Variants in NOS1 observed in about 807,000 individuals in gnomAD.
The protein encoded by NOS1 is NOS type I.
NOS1 carries 51 observed loss-of-function variants against 164.5 expected under a neutral mutation model. That is an observed-to-expected ratio of 0.31 (90% CI 0.25 to 0.39). The LOEUF is 0.39. Ranked by LOEUF, NOS1 falls within the 10% of genes least tolerant of loss-of-function variation. The pLI, the probability that NOS1 is intolerant of heterozygous loss-of-function variation, is 1.00. For synonymous variants in NOS1, 719 were observed against 745.8 expected (o/e 0.96, Z 0.59); for missense variants, 1,362 against 1,885.6 (o/e 0.72, Z 5.14).
At position 117,237,166 on chromosome 12, in the gene NOS1, A is replaced by AT. The variant is rs565343189; in HGVS notation, c.3042-2409dup. The stretch of plus-strand genomic sequence containing the variant: ...TTTTTAGCATTTCATTATTATTTTT[A>AT]TTTTTTTTTGAGATGGAGTCTCTCT... On this transcript the variant is annotated intron_variant, in intron 20 of 28. Transcript: ENST00000317775. Among the ~76,000 whole-genome samples the AT allele has an allele frequency of 2.3e-3, 346 of 150,998 alleles. 2 individuals carry two copies. The highest frequency in any genetic ancestry group is 3.3e-3 in the Non-Finnish European group (222 of 67,660).
intron 3 of NOS1, among the ~76,000 whole-genome samples, chr12:117,309,973 C>T (rs554025935): frequency 3.9e-5 from 6 of 152,302 alleles, no homozygotes; most frequent in African/African-American, 1.4e-4. Flanking sequence ...GTAATACAAT[C>T]ACAGCTCACT....
intron 8 of NOS1, among the ~76,000 whole-genome samples, chr12:117,278,899 TA>T (rs1873394063): frequency 6.7e-6 from 1 of 149,738 alleles, no homozygotes. Context: ...CTTATTCATC[TA>T]ATATATCAAA....
chr12:117,283,839 G>A (rs1489714796), intron 7 of NOS1, among the ~76,000 whole-genome samples: 1 of 113,828 alleles, frequency 8.8e-6, no homozygotes, highest in Non-Finnish European at 1.7e-5. Flanking sequence ...CTGGGTAACA[G>A]AGCAAGACTC....
At chr12:117,344,019 C>G (rs747495128) in intron 1 of NOS1, among the ~76,000 whole-genome samples, 1 of 152,072 alleles carries the variant, frequency 6.6e-6, no homozygotes, top group Non-Finnish European at 1.5e-5. Context: ...GTCAGATATA[C>G]CAGTAATAAC....
At chr12:117,274,248 G>A (rs995849842) in intron 9 of NOS1, among the ~76,000 whole-genome samples, 5 of 152,094 alleles carry the variant, frequency 3.3e-5, no homozygotes, top group African/African-American at 4.8e-5. Flanking sequence ...ATATGCAAAC[G>A]AAACCCACAA....
chr12:117,240,690 T>G (rs1870091371), intron 20 of NOS1, among the ~76,000 whole-genome samples: 1 of 152,230 alleles, frequency 6.6e-6, no homozygotes, highest in African/African-American at 2.4e-5. Flanking sequence ...AGCACAGTGC[T>G]TGGAACACAG....
Position 117,285,264 on chromosome 12 carries a change from A to G in NOS1, c.1359T>C (p.Tyr453=), listed in dbSNP as rs746656144. 1.2e-6 allele frequency: 2 copies of G among 1,611,118 alleles called. No individual in the cohort carries two copies. The highest frequency in any genetic ancestry group is 1.7e-5 in the Admixed American group (1 of 59,904). Residue 453 remains tyrosine, a synonymous_variant, in exon 7 of 29, where the codon TAT becomes TAC. Coordinates refer to ENST00000317775, the MANE Select transcript of NOS1 (RefSeq NM_000620.5). ...MFNYICNHVK[Y]ATNKGNLRSA... is the part of the protein sequence containing the mutation. ...ACCTGAGGTTCCCTTTGTTGGTGGCATACTTGACATGGTTACAGATGTAGT... is the reference window on the plus strand; with the variant it reads ...ACCTGAGGTTCCCTTTGTTGGTGGCGTACTTGACATGGTTACAGATGTAGT...
At chr12:117,309,792 A>ACAGT (rs35976283) in intron 3 of NOS1, among the ~76,000 whole-genome samples, 20,665 of 152,212 alleles carry the variant, frequency 0.14, 1,620 homozygotes, top group East Asian at 0.26. Context: ...CTGTGAAGAA[A>ACAGT]CAGTCTCCTA....
chr12:117,347,317 TAAAC>T (rs989976785), intron 1 of NOS1, among the ~76,000 whole-genome samples: 17 of 148,472 alleles, frequency 1.1e-4, no homozygotes, highest in African/African-American at 1.7e-4. Context: ...AAAAGAAAAA[TAAAC>T]AAACAAACAA....
intron 12 of NOS1, among the ~76,000 whole-genome samples, chr12:117,264,304 ACT>A (rs1872190199): frequency 6.6e-6 from 1 of 151,414 alleles, no homozygotes; most frequent in African/African-American, 2.4e-5. Context: ...CAGGGGTCTC[ACT>A]CTGCTGCCCA....
At chr12:117,325,759 T>C (rs1875215151) in intron 2 of NOS1, among the ~76,000 whole-genome samples, 1 of 152,236 alleles carries the variant, frequency 6.6e-6, no homozygotes, top group Admixed American at 6.5e-5. Context: ...CTCATGGCAT[T>C]TGAGCCAAAA....
intron 1 of NOS1, among the ~76,000 whole-genome samples, chr12:117,346,584 A>G (rs964960306): frequency 6.6e-6 from 1 of 152,188 alleles, no homozygotes; most frequent in African/African-American, 2.4e-5. Context: ...ATGCTTTGCT[A>G]CCCAAAGCGT....
At chr12:117,251,604 T>C (rs1227930349) in intron 17 of NOS1, among the ~76,000 whole-genome samples, 2 of 151,850 alleles carry the variant, frequency 1.3e-5, no homozygotes, top group Non-Finnish European at 2.9e-5. Context: ...TCATTTTTTT[T>C]TTTTTTTGTA....
At chr12:117,266,643 T>C (rs978769566) in intron 11 of NOS1, among the ~76,000 whole-genome samples, 1 of 151,988 alleles carries the variant, frequency 6.6e-6, no homozygotes, top group Non-Finnish European at 1.5e-5. Flanking sequence ...GCTCAAGTGA[T>C]TCTCCTGCCT....
At chr12:117,326,385 CAAA>C (rs746345561) in intron 2 of NOS1, among the ~76,000 whole-genome samples, 1 of 25,906 alleles carries the variant, frequency 3.9e-5, no homozygotes, top group Admixed American at 3.9e-4. Flanking sequence ...GACTCTGTCT[CAAA>C]AAAAAAAAAA....
At chr12:117,242,301 T>G (rs1870242748) in intron 20 of NOS1, among the ~76,000 whole-genome samples, 1 of 152,242 alleles carries the variant, frequency 6.6e-6, no homozygotes, top group Non-Finnish European at 1.5e-5. Context: ...ATACTTGGAC[T>G]AAGTGATTTC....
At chr12:117,224,674 C>T (rs1868495446) in intron 25 of NOS1, among the ~76,000 whole-genome samples, 1 of 152,242 alleles carries the variant, frequency 6.6e-6, no homozygotes, top group African/African-American at 2.4e-5. Flanking sequence ...TCACATAGCA[C>T]TTGCTCTTGA....
At chr12:117,322,036 C>T (rs1232745343) in intron 2 of NOS1, among the ~76,000 whole-genome samples, 1 of 130,716 alleles carries the variant, frequency 7.7e-6, no homozygotes. Context: ...TTCCTTTCCT[C>T]CTTCTCTCCT....
rs967698505 is a variant in NOS1, at chr12:117,212,649, A to G, written c.*2660T>C. The G allele has an allele frequency of 2.0e-6, 2 of 985,298 alleles. No individual in the cohort carries two copies. Among genetic ancestry groups the G allele is most frequent in the Non-Finnish European group, 2.4e-6 (2 of 829,938 alleles). 61.0% of individuals were successfully genotyped at this position (985,298 alleles called of 1,614,324 possible). A position where few individuals can be genotyped will look rare whatever the true frequency, so the allele number is the denominator to read the frequency against. On this transcript the variant is annotated 3_prime_UTR_variant, in exon 29 of 29. Transcript: ENST00000317775. ...CAATTCAGGGGGAAGAGGGAAATAAATGGGCCATAACCCGAATAACCCCCA... is the reference window on the plus strand; with the variant it reads ...CAATTCAGGGGGAAGAGGGAAATAAGTGGGCCATAACCCGAATAACCCCCA...
Sources: gnomAD v4.1 joint callset for allele counts (sites outside exome capture counted in the v4.1 genomes callset) on GRCh38, gnomAD v4.1.1 for gene constraint, MANE v1.5 for transcripts, NCBI Gene and HGNC (gene_info 2026-07-23, HGNC 2026-07-21) for gene names.